The following NRXN1 variants were observed in gnomAD, a reference collection of about 807,000 sequenced individuals.
The protein encoded by NRXN1 is neurexin 1.
In NRXN1, 39 loss-of-function variants were observed where a neutral mutation model predicts 150.9. The ratio of observed to expected loss-of-function variants is 0.26; its 90% CI spans 0.20 to 0.34. The LOEUF is 0.34. NRXN1 is among the 10% of genes least tolerant of loss of function. NRXN1 has a pLI of 1.00. For missense variants in NRXN1, 1,815 were observed against 1,949.9 expected (o/e 0.93, Z 1.30); for synonymous variants, 924 against 757.0 (o/e 1.22, Z -3.62).
At chr2:50,885,812 T>C (rs1255783690) in intron 5 of NRXN1, among the ~76,000 whole-genome samples, 3 of 108,892 alleles carry the variant, frequency 2.8e-5, no homozygotes, top group Non-Finnish European at 4.4e-5. Context: ...ATCGTAAATA[T>C]TTCTATAAAC....
intron 21 of NRXN1, among the ~76,000 whole-genome samples, chr2:50,046,481 T>C (rs1691830631): frequency 6.6e-6 from 1 of 152,226 alleles, no homozygotes; most frequent in African/African-American, 2.4e-5. Context: ...ACCTGAAGAA[T>C]GCTTCTCAGA....
chr2:50,965,011 C>T (rs1187410924), intron 2 of NRXN1, among the ~76,000 whole-genome samples: 4 of 151,290 alleles, frequency 2.6e-5, no homozygotes, highest in Non-Finnish European at 5.9e-5. Context: ...GCCAAGAACA[C>T]ATTAGGTGCA....
chr2:50,659,758 T>G (rs2104629695), intron 5 of NRXN1, among the ~76,000 whole-genome samples: 1 of 151,636 alleles, frequency 6.6e-6, no homozygotes, highest in African/African-American at 2.4e-5. Context: ...AATCCACAAC[T>G]TTTAAAAATT....
At chr2:50,016,526 AAAC>A (rs1378405967) in intron 21 of NRXN1, 4 of 152,210 alleles carry the variant, frequency 2.6e-5, no homozygotes, top group Non-Finnish European at 4.4e-5. Flanking sequence ...AGGCCTCAGG[AAAC>A]TTACAATCAT....
At chr2:50,269,355 T>C (rs547944504) in intron 17 of NRXN1, among the ~76,000 whole-genome samples, 340 of 152,346 alleles carry the variant, frequency 2.2e-3, no homozygotes, top group African/African-American at 7.7e-3. Flanking sequence ...TTTGTAGCTG[T>C]ATTTTCACTT....
chr2:50,796,362 G>A (rs897728232), intron 5 of NRXN1, among the ~76,000 whole-genome samples: 3 of 152,102 alleles, frequency 2.0e-5, no homozygotes, highest in Non-Finnish European at 4.4e-5. Flanking sequence ...AAGCAATTTT[G>A]GAATGAAGGC....
intron 8 of NRXN1, among the ~76,000 whole-genome samples, chr2:50,614,683 C>T (rs1459357091): frequency 7.1e-6 from 1 of 140,936 alleles, no homozygotes; most frequent in Non-Finnish European, 1.5e-5. Context: ...ACAGAATATC[C>T]CCTTTTGGAA....
chr2:50,923,325 G>T, intron 3 of NRXN1: 1 of 227,224 alleles, frequency 4.4e-6, no homozygotes, highest in Admixed American at 4.8e-5. Context: ...CAATGGGTCA[G>T]CTGCAAATAC....
At chr2:50,999,045 A>C (rs1454832132) in intron 2 of NRXN1, among the ~76,000 whole-genome samples, 1 of 151,986 alleles carries the variant, frequency 6.6e-6, no homozygotes, top group African/African-American at 2.4e-5. Flanking sequence ...GACTGGCTTA[A>C]TTTTTGTCAC....
rs538181957 is a variant in NRXN1, at chr2:49,954,310, C to A, written c.4129-10519G>T. Reference sequence around the variant, plus strand: ...ATGTGTGGATCTCACTGGTAACTTACAAGGTAGGTAGCACCAATCTATGTC... The same window carrying A: ...ATGTGTGGATCTCACTGGTAACTTAAAAGGTAGGTAGCACCAATCTATGTC... On this transcript the variant is annotated intron_variant, in intron 21 of 22. Transcript: ENST00000401669. Among the ~76,000 whole-genome samples the A allele has an allele frequency of 3.2e-4, 48 of 148,734 alleles. No individual in the cohort carries two copies. In the South Asian group the frequency reaches 6.7e-3, roughly 21 times the overall value.
intron 12 of NRXN1, among the ~76,000 whole-genome samples, chr2:50,520,177 G>A (rs1207275250): frequency 1.3e-5 from 2 of 151,804 alleles, no homozygotes; most frequent in African/African-American, 2.4e-5. Context: ...CTACTTTTAT[G>A]TATTTTCTGT....
intron 5 of NRXN1, among the ~76,000 whole-genome samples, chr2:50,771,639 T>C (rs898185006): frequency 3.3e-5 from 5 of 152,052 alleles, no homozygotes; most frequent in African/African-American, 1.2e-4. Flanking sequence ...TGGAGATGGG[T>C]TGCGGGTAAG....
intron 5 of NRXN1, among the ~76,000 whole-genome samples, chr2:50,750,646 G>A (rs928968704): frequency 2.0e-5 from 3 of 151,832 alleles, no homozygotes; most frequent in African/African-American, 7.3e-5. Flanking sequence ...CAGCAGCGTT[G>A]GAGTTCCTGA....
chr2:50,143,570 T>C (rs919279486), intron 18 of NRXN1, among the ~76,000 whole-genome samples: 1 of 151,998 alleles, frequency 6.6e-6, no homozygotes, highest in Non-Finnish European at 1.5e-5. Flanking sequence ...GCAGCAAATG[T>C]GCAAATGTTC....
intron 2 of NRXN1, among the ~76,000 whole-genome samples, chr2:51,019,126 T>A (rs1400255690): frequency 6.6e-6 from 1 of 152,040 alleles, no homozygotes. Context: ...CAGCCCAGCA[T>A]CCCTTTGATA....
chr2:50,755,463 C>T (rs1195621265), intron 5 of NRXN1, among the ~76,000 whole-genome samples: 2 of 151,756 alleles, frequency 1.3e-5, no homozygotes, highest in Non-Finnish European at 2.9e-5. Context: ...AGCTCCTTCC[C>T]AAGGAACAGT....
intron 17 of NRXN1, among the ~76,000 whole-genome samples, chr2:50,424,907 G>A (rs1191673734): frequency 6.6e-6 from 1 of 152,088 alleles, no homozygotes; most frequent in Non-Finnish European, 1.5e-5. Flanking sequence ...AAAATAAGAA[G>A]CATCCCTTTC....
chr2:50,950,372 C>T (rs1454140069), intron 2 of NRXN1, among the ~76,000 whole-genome samples: 1 of 151,938 alleles, frequency 6.6e-6, no homozygotes, highest in African/African-American at 2.4e-5. Flanking sequence ...ATCAGAATAC[C>T]CATTTGACAA....
At chr2:50,560,946 G>A (rs1668983493) in intron 8 of NRXN1, among the ~76,000 whole-genome samples, 1 of 151,906 alleles carries the variant, frequency 6.6e-6, no homozygotes, top group Non-Finnish European at 1.5e-5. Context: ...TATCCACAAA[G>A]GCATATGACA....
Sources: allele counts gnomAD v4.1 joint callset (sites outside exome capture counted in the v4.1 genomes callset), GRCh38; gene constraint gnomAD v4.1.1; transcripts MANE v1.5; gene names NCBI Gene and HGNC (gene_info 2026-07-23, HGNC 2026-07-21).